The following ZNF536 variants were observed in gnomAD, a reference collection of about 807,000 sequenced individuals.
The protein encoded by ZNF536 is zinc finger protein 536.
A neutral mutation model predicts 84.5 loss-of-function variants in ZNF536; 13 were observed. That is an observed-to-expected ratio of 0.15 (90% CI 0.10 to 0.24). The LOEUF is 0.24. ZNF536 is among the 10% of genes least tolerant of loss of function. The pLI, the probability that ZNF536 is intolerant of heterozygous loss-of-function variation, is 1.00. For missense variants in ZNF536, 1,536 were observed against 1,747.5 expected (o/e 0.88, Z 2.16); for synonymous variants, 811 against 742.5 (o/e 1.09, Z -1.50).
At chr19:30,572,773 G>A (rs1168573902) in intron 1 of ZNF536, among the ~76,000 whole-genome samples, 2 of 152,148 alleles carry the variant, frequency 1.3e-5, no homozygotes, top group Admixed American at 6.5e-5. Flanking sequence ...ACCTTCACAT[G>A]AGAAGGTCAG....
At chr19:30,574,244 G>C (rs889355894) in intron 1 of ZNF536, among the ~76,000 whole-genome samples, 6 of 152,214 alleles carry the variant, frequency 3.9e-5, no homozygotes, top group Non-Finnish European at 8.8e-5. Context: ...AACTATTTGT[G>C]ATGTTCTCCA....
In ZNF536 at chr19:30,638,483, C is replaced by T. The variant is rs574377736; in HGVS notation, c.170-72274C>T. Among the ~76,000 whole-genome samples the T allele has an allele frequency of 4.9e-4, 75 of 152,212 alleles. 3 individuals carry two copies. The South Asian group carries it at 0.012, about 24-fold the overall frequency. ...TTCACATGGCCTGAGCAGGAGGAAG[C>T]GTGAGAGGGGGGAAGTGCTATACAC... On this transcript the variant is annotated intron_variant, in intron 1 of 1. Coordinates refer to the ZNF536 transcript ENST00000592773.
At chr19:30,235,879 A>G (rs543872055) in intron 1 of ZNF536, among the ~76,000 whole-genome samples, 3 of 152,372 alleles carry the variant, frequency 2.0e-5, no homozygotes, top group African/African-American at 7.2e-5. Context: ...TGTTGATGCC[A>G]AGTGGCTATT....
intron 1 of ZNF536, among the ~76,000 whole-genome samples, chr19:30,262,040 C>G (rs972487182): frequency 3.3e-5 from 5 of 152,224 alleles, no homozygotes; most frequent in Non-Finnish European, 4.4e-5. Flanking sequence ...CATGGGAGGT[C>G]TGCAGGTTCA....
At chr19:30,306,284 A>G (rs889242411) in intron 2 of ZNF536, among the ~76,000 whole-genome samples, 7 of 149,740 alleles carry the variant, frequency 4.7e-5, no homozygotes, top group Non-Finnish European at 8.9e-5. Context: ...TTGGATCAAT[A>G]CCTTGGAATT....
At chr19:30,460,187 C>CA (rs1163791179) in intron 2 of ZNF536, among the ~76,000 whole-genome samples, 1 of 152,160 alleles carries the variant, frequency 6.6e-6, no homozygotes, top group Admixed American at 6.5e-5. Context: ...TCACTGCTGC[C>CA]AGGGGAATGG....
intron 1 of ZNF536, among the ~76,000 whole-genome samples, chr19:30,567,319 GGGACCA>G (rs2046391966): frequency 6.6e-6 from 1 of 152,156 alleles, no homozygotes; most frequent in Non-Finnish European, 1.5e-5. Flanking sequence ...GCACTGGGTA[GGGACCA>G]GGTGTTTGGG....
At chr19:30,390,101 G>A (rs1024823333) in intron 1 of ZNF536, among the ~76,000 whole-genome samples, 1 of 152,162 alleles carries the variant, frequency 6.6e-6, no homozygotes, top group African/African-American at 2.4e-5. Context: ...CTGTGCAGGG[G>A]AAGGTTTTAC....
intron 1 of ZNF536, among the ~76,000 whole-genome samples, chr19:30,664,472 A>G (rs2050246026): frequency 6.6e-6 from 1 of 152,056 alleles, no homozygotes; most frequent in African/African-American, 2.4e-5. Flanking sequence ...GCAGGCTCAG[A>G]GCAACAGGCA....
intron 1 of ZNF536, among the ~76,000 whole-genome samples, chr19:30,564,743 T>C (rs2046291364): frequency 6.6e-6 from 1 of 152,230 alleles, no homozygotes; most frequent in South Asian, 2.1e-4. Flanking sequence ...TAATGGTCCA[T>C]TGTTTGCACT....
Position 30,589,199 on chromosome 19 carries a change from G to A in ZNF536, c.169+39685G>A, listed in dbSNP as rs551842861. ...GCATCGGTTACCACCATCTGTATTTGCATCTGCTCTTTGTGTTGGTTGCAA... is the reference window on the plus strand; with the variant it reads ...GCATCGGTTACCACCATCTGTATTTACATCTGCTCTTTGTGTTGGTTGCAA... On this transcript the variant is annotated intron_variant, in intron 1 of 1. Transcript: ENST00000592773. Among the ~76,000 whole-genome samples, 6 of 152,336 alleles carry A rather than the reference G, an allele frequency of 3.9e-5. No homozygotes were observed. The East Asian group carries it at 7.7e-4, about 20-fold the overall frequency.
upstream of ZNF536, among the ~76,000 whole-genome samples, chr19:30,225,996 G>A (rs1287217208): frequency 6.6e-6 from 1 of 151,916 alleles, no homozygotes; most frequent in East Asian, 1.9e-4. Context: ...GCCGGGCATC[G>A]TATGGCGCTA....
intron 1 of ZNF536, among the ~76,000 whole-genome samples, chr19:30,694,680 T>G (rs1229660423): frequency 6.6e-6 from 1 of 152,192 alleles, no homozygotes. Flanking sequence ...ATTACATTTT[T>G]TTTTAAAGAA....
intron 1 of ZNF536, among the ~76,000 whole-genome samples, chr19:30,694,285 A>C (rs1195626376): frequency 1.3e-5 from 2 of 152,264 alleles, no homozygotes; most frequent in African/African-American, 4.8e-5. Context: ...TTTAAGCGAC[A>C]CAATGGAAAA....
chr19:30,234,559 A>G (rs2023328314), intron 1 of ZNF536, among the ~76,000 whole-genome samples: 1 of 151,630 alleles, frequency 6.6e-6, no homozygotes, highest in South Asian at 2.1e-4. Flanking sequence ...GTGCCACCAC[A>G]CCTGGCTAAT....
intron 1 of ZNF536, among the ~76,000 whole-genome samples, chr19:30,672,070 C>A (rs1200000869): frequency 6.6e-6 from 1 of 152,266 alleles, no homozygotes; most frequent in Non-Finnish European, 1.5e-5. Flanking sequence ...TCACCCGATT[C>A]CCATCTCAAC....
At chr19:30,342,065 CT>C (rs1404363348) in intron 2 of ZNF536, among the ~76,000 whole-genome samples, 2 of 152,206 alleles carry the variant, frequency 1.3e-5, no homozygotes, top group African/African-American at 4.8e-5. Flanking sequence ...CAAAACTCCT[CT>C]TCTGTCTTCT....
At chr19:30,297,943 C>T (rs1021521835) in intron 2 of ZNF536, among the ~76,000 whole-genome samples, 2 of 146,530 alleles carry the variant, frequency 1.4e-5, no homozygotes, top group Non-Finnish European at 3.0e-5. Flanking sequence ...TGCAGTGGTG[C>T]GATCTTGGCT....
intron 1 of ZNF536, among the ~76,000 whole-genome samples, chr19:30,438,042 A>C (rs2051834143): frequency 6.6e-6 from 1 of 152,108 alleles, no homozygotes; most frequent in Non-Finnish European, 1.5e-5. Flanking sequence ...CTGACTGCCC[A>C]GTTGCCTTAA....
Sources: allele counts gnomAD v4.1 joint callset (sites outside exome capture counted in the v4.1 genomes callset), GRCh38; gene constraint gnomAD v4.1.1; transcripts MANE v1.5; gene names NCBI Gene and HGNC (gene_info 2026-07-23, HGNC 2026-07-21).